PRKCE: variants seen among roughly 807,000 people sequenced by gnomAD.
PRKCE encodes the protein protein kinase C epsilon, also known as protein kinase C epsilon type.
Under a neutral mutation model 85.4 loss-of-function variants are expected in PRKCE, and 16 were observed. The ratio of observed to expected loss-of-function variants is 0.19; its 90% CI spans 0.13 to 0.28. The LOEUF is 0.28. Among genes scored for constraint, PRKCE ranks in the 10% least tolerant of loss-of-function variants. The pLI is 1.00. For missense variants in PRKCE, 573 were observed against 975.2 expected (o/e 0.59, Z 5.49); for synonymous variants, 388 against 371.5 (o/e 1.04, Z -0.51).
chr2:45,978,950 TA>T (rs751383227), intron 3 of PRKCE, 25 bp from the exon 4 acceptor site: 2 of 1,596,978 alleles, frequency 1.3e-6, no homozygotes, highest in South Asian at 1.1e-5. Flanking sequence ...TCACTTTTTT[TA>T]AAAAAATGTT....
chr2:46,112,492 GTTT>G (rs58558782), intron 11 of PRKCE, among the ~76,000 whole-genome samples: 1,531 of 128,876 alleles, frequency 0.012, 10 homozygotes, highest in Middle Eastern at 0.027. Flanking sequence ...TGTTTTTTTG[GTTT>G]TTTTTTTGTT....
intron 2 of PRKCE, among the ~76,000 whole-genome samples, chr2:45,890,496 C>T (rs1342369039): frequency 1.3e-5 from 2 of 152,106 alleles, no homozygotes; most frequent in Non-Finnish European, 2.9e-5. Flanking sequence ...TCTCGTGCCT[C>T]AGCCTCCTGA....
intron 10 of PRKCE, among the ~76,000 whole-genome samples, chr2:46,063,040 G>C (rs902666291): frequency 3.3e-5 from 5 of 152,214 alleles, no homozygotes; most frequent in African/African-American, 7.2e-5. Flanking sequence ...GAGTGGGCAA[G>C]CTGATCATTT....
At chr2:45,670,106 A>G (rs1676086599) in intron 1 of PRKCE, among the ~76,000 whole-genome samples, 1 of 152,220 alleles carries the variant, frequency 6.6e-6, no homozygotes, top group Non-Finnish European at 1.5e-5. Flanking sequence ...ATATTATTTA[A>G]GTAATTTGCC....
chr2:45,841,721 T>C (rs1190583526), intron 1 of PRKCE, among the ~76,000 whole-genome samples: 1 of 152,256 alleles, frequency 6.6e-6, no homozygotes, highest in Non-Finnish European at 1.5e-5. Flanking sequence ...AAGATGTGTC[T>C]GGTGTATTGT....
intron 10 of PRKCE, among the ~76,000 whole-genome samples, chr2:46,034,775 G>C (rs561102810): frequency 6.6e-6 from 1 of 152,362 alleles, no homozygotes; most frequent in Admixed American, 6.5e-5. Flanking sequence ...TTGGAGGCTT[G>C]TTGGGAAGAT....
At chr2:46,043,618 A>G (rs1415953580) in intron 10 of PRKCE, among the ~76,000 whole-genome samples, 1 of 152,180 alleles carries the variant, frequency 6.6e-6, no homozygotes, top group African/African-American at 2.4e-5. Context: ...GTGTTTGGGC[A>G]GTGGGGATGT....
intron 10 of PRKCE, among the ~76,000 whole-genome samples, chr2:46,031,424 G>C (rs892287239): frequency 2.0e-5 from 3 of 152,050 alleles, no homozygotes; most frequent in African/African-American, 4.8e-5. Context: ...AAACCCTTCA[G>C]TTCATCCAAA....
chr2:46,027,357 G>C lies in PRKCE; in HGVS notation c.1437+16840G>C, dbSNP rs148375667. On this transcript the variant is annotated intron_variant, in intron 10 of 14. Coordinates refer to ENST00000306156, the MANE Select transcript of PRKCE (RefSeq NM_005400.3). Reference sequence around the variant, plus strand: ...TCTCAAAAAAGAAAGAAAAAGAAAAGAAAAACAAGATCATGATTACCAGGG... The same window carrying C: ...TCTCAAAAAAGAAAGAAAAAGAAAACAAAAACAAGATCATGATTACCAGGG... Among the ~76,000 whole-genome samples, 2 of 152,024 alleles carry C rather than the reference G, an allele frequency of 1.3e-5. 1 individual carries two copies. Among genetic ancestry groups the C allele is most frequent in the African/African-American group, 4.8e-5 (2 of 41,498 alleles).
intron 2 of PRKCE, among the ~76,000 whole-genome samples, chr2:45,923,282 A>G (rs919054818): frequency 3.9e-5 from 6 of 152,174 alleles, no homozygotes; most frequent in African/African-American, 1.4e-4. Context: ...CCTCTTCTTG[A>G]GTTTTGACAG....
chr2:46,169,619 T>C (rs1256613890), intron 14 of PRKCE, among the ~76,000 whole-genome samples: 1 of 152,030 alleles, frequency 6.6e-6, no homozygotes, highest in Non-Finnish European at 1.5e-5. Flanking sequence ...CCCTCCAGAG[T>C]AGGGCTTATC....
intron 1 of PRKCE, among the ~76,000 whole-genome samples, chr2:45,782,052 A>G (rs1686232514): frequency 6.6e-6 from 1 of 152,224 alleles, no homozygotes; most frequent in African/African-American, 2.4e-5. Flanking sequence ...ATTTTTAAAT[A>G]ATTCATCTAC....
At chr2:45,750,396 G>C (rs1309561531) in intron 1 of PRKCE, among the ~76,000 whole-genome samples, 1 of 152,196 alleles carries the variant, frequency 6.6e-6, no homozygotes, top group East Asian at 1.9e-4. Flanking sequence ...CCTTGTGTGT[G>C]TGTCCTGTTG....
At chr2:45,667,687 T>C (rs1675979134) in intron 1 of PRKCE, among the ~76,000 whole-genome samples, 1 of 152,168 alleles carries the variant, frequency 6.6e-6, no homozygotes, top group South Asian at 2.1e-4. Context: ...GTTTATTTTT[T>C]AGAGCAGTTT....
intron 10 of PRKCE, among the ~76,000 whole-genome samples, chr2:46,072,154 C>T (rs576131653): frequency 5.3e-5 from 8 of 152,340 alleles, no homozygotes; most frequent in South Asian, 4.1e-4. Flanking sequence ...AACCCTTTCA[C>T]GCTTTATCTG....
intron 11 of PRKCE, among the ~76,000 whole-genome samples, chr2:46,096,643 C>T (rs67483019): frequency 3.9e-5 from 6 of 152,084 alleles, no homozygotes; most frequent in African/African-American, 1.4e-4. Context: ...AAGAAACCAA[C>T]CCTGCCAGCA....
intron 2 of PRKCE, among the ~76,000 whole-genome samples, chr2:45,858,514 G>T (rs1250053622): frequency 1.3e-5 from 2 of 151,864 alleles, no homozygotes; most frequent in African/African-American, 4.8e-5. Flanking sequence ...GTATATCATG[G>T]GTCATATGTC....
intron 14 of PRKCE, chr2:46,160,071 G>A: frequency 3.6e-6 from 1 of 280,930 alleles, no homozygotes; most frequent in Non-Finnish European, 6.6e-6. Flanking sequence ...GTATGGTAGA[G>A]ACATAAGGTT....
chr2:46,136,700 G>A (rs988181004), intron 11 of PRKCE, among the ~76,000 whole-genome samples: 1 of 152,196 alleles, frequency 6.6e-6, no homozygotes, highest in Non-Finnish European at 1.5e-5. Flanking sequence ...CATGAATCCT[G>A]TTGATCAACA....
Sources: gnomAD v4.1 joint callset for allele counts (sites outside exome capture counted in the v4.1 genomes callset) on GRCh38, gnomAD v4.1.1 for gene constraint, MANE v1.5 for transcripts, NCBI Gene and HGNC (gene_info 2026-07-23, HGNC 2026-07-21) for gene names.